The following CFI variants were observed in gnomAD, a reference collection of about 807,000 sequenced individuals.
CFI encodes complement factor I.
Under a neutral mutation model 78.8 loss-of-function variants are expected in CFI, and 66 were observed. The observed-to-expected ratio is 0.84, with a 90% CI of 0.69 to 1.03. The LOEUF is 1.03. Ranked by LOEUF, CFI falls within the 50% of genes least tolerant of loss-of-function variation. The pLI is 0.00. For missense variants in CFI, 706 were observed against 704.5 expected (o/e 1.00, Z -0.02); for synonymous variants, 250 against 232.6 (o/e 1.07, Z -0.68).
downstream of CFI, among the ~76,000 whole-genome samples, chr4:109,736,126 A>G (rs545765020): frequency 6.6e-6 from 1 of 152,346 alleles, no homozygotes; most frequent in East Asian, 1.9e-4. Context: ...TGCTAGTTAC[A>G]GAGAACAGAA....
Position 109,756,887 on chromosome 4 carries a change from AG to A in CFI, c.904+875del, listed in dbSNP as rs1255916867. Among the ~76,000 whole-genome samples, 35 of 118,062 alleles carry A rather than the reference AG, an allele frequency of 3.0e-4. 2 individuals carry two copies. Among genetic ancestry groups the A allele is most frequent in the South Asian group, 5.7e-4 (2 of 3,528 alleles). 77.5% of individuals were successfully genotyped at this position (118,062 alleles called of 152,430 possible). A position where few individuals can be genotyped will look rare whatever the true frequency, so the allele number is the denominator to read the frequency against. Reference sequence around the variant, plus strand: ...ACTCCGTCTCGAAAGAAAGAAAGAAAGGAAAGAAAGAAAGAAAGAAAGAAAG... The same window carrying A: ...ACTCCGTCTCGAAAGAAAGAAAGAAAGAAAGAAAGAAAGAAAGAAAGAAAG... On this transcript the variant is annotated intron_variant, in intron 7 of 12. Coordinates refer to ENST00000394634, the MANE Select transcript of CFI (RefSeq NM_000204.5).
At chr4:109,760,741 C>CA (rs897855515) in intron 4 of CFI, 105 bp from the exon 5 acceptor site, 14 of 733,780 alleles carry the variant, frequency 1.9e-5, no homozygotes, top group Non-Finnish European at 3.0e-5. Flanking sequence ...AGTTAAACTT[C>CA]AAAAAAATGT....
Position 109,798,886 on chromosome 4 carries a change from G to GGA in CFI, c.57+3027_57+3028dup, listed in dbSNP as rs201429214. ...GAGATTTCCTTCAATGCAAGAGGAG[G>GGA]GAGAGAGAGAGAGAGAAGAAAAAGA... On this transcript the variant is annotated intron_variant, in intron 1 of 12. Transcript: ENST00000394634. Among the ~76,000 whole-genome samples the GGA allele has an allele frequency of 7.6e-3, 804 of 106,154 alleles. 3 individuals are homozygous for GGA. Among genetic ancestry groups the GGA allele is most frequent in the Non-Finnish European group, 9.5e-3 (598 of 62,648 alleles). 69.6% of individuals were successfully genotyped at this position (106,154 alleles called of 152,430 possible).
At chr4:109,740,596 T>C, downstream of CFI, 1 of 394,654 alleles carries the variant, frequency 2.5e-6, no homozygotes, top group Non-Finnish European at 4.8e-6. Flanking sequence ...GAACCCAACC[T>C]TATGTAAGTC....
chr4:109,770,879 C>A (rs113197615), intron 1 of CFI, among the ~76,000 whole-genome samples: 61 of 152,160 alleles, frequency 4.0e-4, no homozygotes, highest in African/African-American at 1.2e-3. Flanking sequence ...AACTGGGGGA[C>A]CTAGTACCTC....
intron 1 of CFI, among the ~76,000 whole-genome samples, chr4:109,781,712 A>T (rs1252903144): frequency 6.6e-6 from 1 of 152,164 alleles, no homozygotes; most frequent in Non-Finnish European, 1.5e-5. Context: ...ACCAAAAAAG[A>T]AAACTACAGA....
Position 109,752,453 on chromosome 4 carries a change from A to G in CFI, c.940+15T>C, listed in dbSNP as rs1374882210. On this transcript the variant is annotated intron_variant, in intron 8 of 12. Transcript: ENST00000394634. Reference sequence around the variant, plus strand: ...ACCAGTGAGCCACCAATAAAAAAGTATAACGTTAGCTTACCTGCATCCATG... The same window carrying G: ...ACCAGTGAGCCACCAATAAAAAAGTGTAACGTTAGCTTACCTGCATCCATG... 2 of 1,613,048 alleles carry G rather than the reference A, an allele frequency of 1.2e-6. No homozygotes were observed. The highest frequency in any genetic ancestry group is 2.2e-5 in the East Asian group (1 of 44,748).
intron 4 of CFI, 78 bp from the exon 5 acceptor site, chr4:109,760,714 T>A: frequency 2.4e-6 from 2 of 847,488 alleles, no homozygotes; most frequent in Non-Finnish European, 4.1e-6. Flanking sequence ...TTTGGGATAA[T>A]GGAGTCATTA....
intron 1 of CFI, among the ~76,000 whole-genome samples, chr4:109,771,714 CAAAAAAAAA>C (rs149565381): frequency 6.6e-4 from 12 of 18,114 alleles, no homozygotes; most frequent in Admixed American, 1.4e-3. Flanking sequence ...ACTCCATCAC[CAAAAAAAAA>C]AAAAAAAAAA....
At chr4:109,740,331 A>C (rs1179538204), downstream of CFI, among the ~76,000 whole-genome samples, 1 of 151,770 alleles carries the variant, frequency 6.6e-6, no homozygotes, top group African/African-American at 2.4e-5. Flanking sequence ...AAAGAGAAAA[A>C]GAAAGAAAGA....
rs202092391 is a variant in CFI, at chr4:109,754,427, G to A, written c.905-1924C>T. Among the ~76,000 whole-genome samples the A allele has an allele frequency of 0.013, 1,284 of 101,578 alleles. 64 individuals are homozygous for A. In the East Asian group the frequency reaches 0.18, roughly 14 times the overall value. 66.6% of individuals were successfully genotyped at this position (101,578 alleles called of 152,430 possible). ...ATGCAGAAGTTAAAAAAAAAAAAAA[G>A]AATCTTCTTTTTTTTTTTTAGATTT... is the stretch of plus-strand genomic sequence containing the variant. On this transcript the variant is annotated intron_variant, in intron 7 of 12. Transcript: ENST00000394634.
At chr4:109,757,979 A>G in intron 6 of CFI, 196 bp from the exon 7 acceptor site, 1 of 1,455,824 alleles carries the variant, frequency 6.9e-7, no homozygotes, top group Non-Finnish European at 9.1e-7. Context: ...AAAACAAAAA[A>G]CTCACTATAG....
In CFI at chr4:109,746,485, CGAT is replaced by C; in HGVS notation, c.1163_1165del (p.His388del). ...TACTACTGTTGTCCATATTTGGTAA[CGAT>C]GAGTTTTACTGGCTCTATAACAGAA... On this transcript the variant is annotated inframe_deletion, in exon 11 of 13. Coordinates refer to ENST00000394634, the MANE Select transcript of CFI (RefSeq NM_000204.5). 6.2e-7 allele frequency: 1 copy of C among 1,610,556 alleles called. No homozygotes were observed. Among genetic ancestry groups the C allele is most frequent in the Non-Finnish European group, 8.5e-7 (1 of 1,178,616 alleles).
At chr4:109,738,966 T>TTTGGGGAGATGAAAA (rs1723543301), downstream of CFI, among the ~76,000 whole-genome samples, 2 of 152,068 alleles carry the variant, frequency 1.3e-5, no homozygotes, top group Non-Finnish European at 2.9e-5. Context: ...AGATATGAAG[T>TTTGGGGAGATGAAAA]TTCAATTTGG....
intron 1 of CFI, among the ~76,000 whole-genome samples, chr4:109,789,101 T>C (rs1052910424): frequency 6.6e-6 from 1 of 151,584 alleles, no homozygotes; most frequent in East Asian, 1.9e-4. Flanking sequence ...AAACCAGATA[T>C]GCAGAAGAAA....
the CFI span, among the ~76,000 whole-genome samples, chr4:109,735,128 T>C: frequency 2.6e-5 from 4 of 152,292 alleles, no homozygotes; most frequent in Admixed American, 1.3e-4. Context: ...ATTTTTGTTA[T>C]TGTTATTATA....
At chr4:109,756,524 G>C (rs1350614245) in intron 7 of CFI, among the ~76,000 whole-genome samples, 1 of 151,956 alleles carries the variant, frequency 6.6e-6, no homozygotes, top group Non-Finnish European at 1.5e-5. Flanking sequence ...TGAAATAATA[G>C]GCATTTAGAG....
intron 7 of CFI, among the ~76,000 whole-genome samples, chr4:109,756,929 GAAAGAAAGAAAGAAAGAAAGAAAGAA>G (rs1726313819): frequency 1.4e-5 from 2 of 144,240 alleles, no homozygotes; most frequent in African/African-American, 5.2e-5. Flanking sequence ...AAGAAAGAAA[GAAAGAAAGAAAGAAAGAAAGAAAGAA>G]AGAAAGAAAG....
rs551375352 is a variant in CFI, at chr4:109,777,395, A to G, written c.58-10571T>C. Reference sequence around the variant, plus strand: ...CAAAAGAGACAAAGAAAGTCATTACATATTGGTAAAGGGATCGATTCAACA... The same window carrying G: ...CAAAAGAGACAAAGAAAGTCATTACGTATTGGTAAAGGGATCGATTCAACA... On this transcript the variant is annotated intron_variant, in intron 1 of 12. Coordinates refer to ENST00000394634, the MANE Select transcript of CFI (RefSeq NM_000204.5). 3.3e-5 allele frequency among the ~76,000 whole-genome samples: 5 copies of G among 152,358 alleles called. No individual in the cohort carries two copies. In the East Asian group the frequency reaches 9.6e-4, roughly 29 times the overall value.
Sources: gnomAD v4.1 joint callset for allele counts (sites outside exome capture counted in the v4.1 genomes callset) on GRCh38, gnomAD v4.1.1 for gene constraint, MANE v1.5 for transcripts, NCBI Gene and HGNC (gene_info 2026-07-23, HGNC 2026-07-21) for gene names.